The following TBC1D4 variants were observed in gnomAD, a reference collection of about 807,000 sequenced individuals.
The protein encoded by TBC1D4 is TBC (Tre-2, BUB2, CDC16) domain-containing protein.
TBC1D4 carries 121 observed loss-of-function variants against 142.5 expected under a neutral mutation model. That is an observed-to-expected ratio of 0.85 (90% CI 0.73 to 0.99). TBC1D4 has a LOEUF of 0.99. Among genes scored for constraint, TBC1D4 ranks in the 50% least tolerant of loss-of-function variants. The pLI, the probability that TBC1D4 is intolerant of heterozygous loss-of-function variation, is 0.00. For synonymous variants in TBC1D4, 630 were observed against 628.2 expected (o/e 1.00, Z -0.04); for missense variants, 1,475 against 1,606.6 (o/e 0.92, Z 1.40).
intron 1 of TBC1D4, among the ~76,000 whole-genome samples, chr13:75,418,426 A>G (rs1886014725): frequency 6.6e-6 from 1 of 152,190 alleles, no homozygotes; most frequent in South Asian, 2.1e-4. Flanking sequence ...GGGCCCTAAA[A>G]GATAAGTAGG....
chr13:75,390,036 GA>G (rs1326944201), intron 1 of TBC1D4, among the ~76,000 whole-genome samples: 2 of 152,144 alleles, frequency 1.3e-5, no homozygotes, highest in Non-Finnish European at 2.9e-5. Flanking sequence ...AGCACTTTGG[GA>G]GGGCGAGGCA....
chr13:75,415,752 A>C (rs1459957275), intron 1 of TBC1D4, among the ~76,000 whole-genome samples: 2 of 152,226 alleles, frequency 1.3e-5, no homozygotes, highest in Non-Finnish European at 2.9e-5. Flanking sequence ...CTTAGATGAA[A>C]GAGTTTTGCT....
In TBC1D4 at chr13:75,286,773, T is replaced by G. The variant is rs1257655007; in HGVS notation, c.*19A>C. The G allele has an allele frequency of 1.9e-6, 3 of 1,610,644 alleles. No homozygotes were observed. The highest frequency in any genetic ancestry group is 2.5e-6 in the Non-Finnish European group (3 of 1,177,810). Reference sequence around the variant, plus strand: ...TAGTATTCTAAGGAGCACTTTCTGCTGAGGCCGTGCCTCTTCAATTATGGC... The same window carrying G: ...TAGTATTCTAAGGAGCACTTTCTGCGGAGGCCGTGCCTCTTCAATTATGGC... On this transcript the variant is annotated 3_prime_UTR_variant, in exon 21 of 21. Coordinates refer to ENST00000377636, the MANE Select transcript of TBC1D4 (RefSeq NM_014832.5).
intron 1 of TBC1D4, among the ~76,000 whole-genome samples, chr13:75,423,538 A>C (rs1390956488): frequency 6.6e-6 from 1 of 150,528 alleles, no homozygotes; most frequent in Non-Finnish European, 1.5e-5. Flanking sequence ...TTAAATAACA[A>C]AGTTAGAAGA....
rs930990001 is a variant in TBC1D4, at chr13:75,331,746, T to C, written c.1732-3920A>G. On this transcript the variant is annotated intron_variant, in intron 8 of 20. Transcript: ENST00000377636. ...ATGGATCCTATTTCATAAACAACTATAGTTAGCTAAATAAAATATTTTGAT... is the reference window on the plus strand; with the variant it reads ...ATGGATCCTATTTCATAAACAACTACAGTTAGCTAAATAAAATATTTTGAT... 4.0e-5 allele frequency among the ~76,000 whole-genome samples: 6 copies of C among 150,996 alleles called. 1 individual carries two copies.
intron 1 of TBC1D4, among the ~76,000 whole-genome samples, chr13:75,369,311 T>C (rs1883095310): frequency 6.6e-6 from 1 of 152,008 alleles, no homozygotes; most frequent in Admixed American, 6.6e-5. Flanking sequence ...CTGGGAAACA[T>C]AGGGAGACTC....
chr13:75,457,300 C>G (rs1887776875), intron 1 of TBC1D4, among the ~76,000 whole-genome samples: 2 of 152,186 alleles, frequency 1.3e-5, no homozygotes, highest in Admixed American at 1.3e-4. Context: ...CCAGGGTCCT[C>G]TATTGATACT....
Position 75,312,771 on chromosome 13 carries a change from T to C in TBC1D4, c.2350A>G (p.Met784Val), listed in dbSNP as rs1566366939. 22 of 1,614,218 alleles carry C rather than the reference T, an allele frequency of 1.4e-5. No individual in the cohort carries two copies. The highest frequency in any genetic ancestry group is 1.8e-5 in the Non-Finnish European group (21 of 1,180,040). The change falls in exon 13 of 21, where the codon ATG becomes GTG. Residue 784 changes from methionine (M) to valine (V), a missense_variant. Around this residue, in one of 2 missense-constraint regions of TBC1D4, gnomAD observed 1,227 missense variants for 1,267.7 expected, o/e 0.97. Transcript: ENST00000377636. ...QRIFLRVASP[M>V]NKSPSAMQQQ... ...TGCATTGCTGAGGGAGATTTGTTCA[T>C]GGGAGAAGCAACCCTGAGGAAAATG...
At chr13:75,368,628 G>A (rs1203358102) in intron 1 of TBC1D4, among the ~76,000 whole-genome samples, 1 of 152,178 alleles carries the variant, frequency 6.6e-6, no homozygotes, top group Non-Finnish European at 1.5e-5. Context: ...AATTCCTTCT[G>A]TAAAAGGTAC....
At chr13:75,473,483 C>A (rs1391704030) in intron 1 of TBC1D4, among the ~76,000 whole-genome samples, 1 of 152,170 alleles carries the variant, frequency 6.6e-6, no homozygotes, top group African/African-American at 2.4e-5. Context: ...ATTGATAGCA[C>A]AAAGTTTCCA....
At chr13:75,320,805 C>A (rs373052252) in intron 11 of TBC1D4, among the ~76,000 whole-genome samples, 30 of 147,282 alleles carry the variant, frequency 2.0e-4, no homozygotes, top group African/African-American at 6.6e-4. Context: ...GGGCGGATCA[C>A]GAGGTCAGGA....
intron 1 of TBC1D4, among the ~76,000 whole-genome samples, chr13:75,411,307 G>A (rs1195025040): frequency 1.3e-5 from 2 of 152,118 alleles, no homozygotes; most frequent in African/African-American, 4.8e-5. Flanking sequence ...AAACAGGAGG[G>A]CTTAACGTAA....
Position 75,402,654 on chromosome 13 carries a change from A to AACACACACACAC in TBC1D4, c.499-40059_499-40048dup, listed in dbSNP as rs56176942. Reference sequence around the variant, plus strand: ...TCCATGTGGTCTTCCATCCCTAGTAAACACACACACACACACACACACACA... The same window carrying AACACACACACAC: ...TCCATGTGGTCTTCCATCCCTAGTAAACACACACACACACACACACACACACACACACACACA... On this transcript the variant is annotated intron_variant, in intron 1 of 20. Coordinates refer to ENST00000377636, the MANE Select transcript of TBC1D4 (RefSeq NM_014832.5). Among the ~76,000 whole-genome samples the AACACACACACAC allele has an allele frequency of 1.8e-3, 257 of 142,458 alleles. 2 individuals are homozygous for AACACACACACAC. Among genetic ancestry groups the AACACACACACAC allele is most frequent in the South Asian group, 4.3e-3 (18 of 4,152 alleles). 93.5% of individuals were successfully genotyped at this position (142,458 alleles called of 152,430 possible). A position where few individuals can be genotyped will look rare whatever the true frequency, so the allele number is the denominator to read the frequency against.
At chr13:75,293,059 G>A (rs1875508826) in intron 18 of TBC1D4, among the ~76,000 whole-genome samples, 1 of 152,174 alleles carries the variant, frequency 6.6e-6, no homozygotes, top group African/African-American at 2.4e-5. Flanking sequence ...GGAGGCTGAG[G>A]CAGGAGAATC....
At chr13:75,371,381 C>A (rs1025973078) in intron 1 of TBC1D4, among the ~76,000 whole-genome samples, 1 of 152,102 alleles carries the variant, frequency 6.6e-6, no homozygotes, top group Non-Finnish European at 1.5e-5. Flanking sequence ...GGGACAGAAT[C>A]TAGGCCCAAG....
intron 14 of TBC1D4, among the ~76,000 whole-genome samples, chr13:75,308,868 T>C (rs1877451878): frequency 1.3e-5 from 2 of 152,214 alleles, no homozygotes; most frequent in South Asian, 2.1e-4. Flanking sequence ...CTATGTACTT[T>C]TCACTCTGCT....
chr13:75,336,221 A>G (rs1593748662), intron 8 of TBC1D4, among the ~76,000 whole-genome samples: 4 of 151,674 alleles, frequency 2.6e-5, no homozygotes, highest in Non-Finnish European at 5.9e-5. Flanking sequence ...ACATGGTGAA[A>G]CCCTGTCTCT....
chr13:75,361,498 A>G (rs1457886567), intron 2 of TBC1D4, among the ~76,000 whole-genome samples: 1 of 152,130 alleles, frequency 6.6e-6, no homozygotes, highest in Non-Finnish European at 1.5e-5. Context: ...CTCCCGCCTC[A>G]GCACCTGATT....
At chr13:75,330,040 CT>C (rs1207230582) in intron 8 of TBC1D4, among the ~76,000 whole-genome samples, 2 of 152,218 alleles carry the variant, frequency 1.3e-5, no homozygotes, top group African/African-American at 4.8e-5. Context: ...CTCTTTAGCT[CT>C]GAGAAATTTT....
Sources: gnomAD v4.1 joint callset for allele counts (sites outside exome capture counted in the v4.1 genomes callset) on GRCh38, gnomAD v4.1.1 for gene constraint, gnomAD v4.1.1 regional missense constraint, MANE v1.5 for transcripts, NCBI Gene and HGNC (gene_info 2026-07-23, HGNC 2026-07-21) for gene names.